DLC1: variants seen among roughly 807,000 people sequenced by gnomAD.
The protein encoded by DLC1 is DLC1 Rho GTPase activating protein, also known as rho GTPase-activating protein 7.
DLC1 carries 54 observed loss-of-function variants against 140.3 expected under a neutral mutation model. The observed-to-expected ratio is 0.38, with a 90% CI of 0.31 to 0.48. DLC1 has a LOEUF of 0.48. Ranked by LOEUF, DLC1 falls within the 20% of genes least tolerant of loss-of-function variation. The pLI, the probability that DLC1 is intolerant of heterozygous loss-of-function variation, is 0.96. For synonymous variants in DLC1, 986 were observed against 728.1 expected, an observed-to-expected ratio of 1.35 and a Z score of -5.70; for missense variants, 2,536 against 1,907.0, an observed-to-expected ratio of 1.33 and a Z score of -6.14.
intron 1 of DLC1, among the ~76,000 whole-genome samples, chr8:13,508,009 T>C (rs1391820819): frequency 6.6e-6 from 1 of 152,226 alleles, no homozygotes; most frequent in African/African-American, 2.4e-5. Context: ...TAGCCCTCAG[T>C]GATTCAGGCA....
At chr8:13,261,849 G>C (rs984326604) in intron 5 of DLC1, among the ~76,000 whole-genome samples, 2 of 152,168 alleles carry the variant, frequency 1.3e-5, no homozygotes, top group African/African-American at 4.8e-5. Context: ...AAACTTTCAG[G>C]ACATGTTTCA....
Position 13,396,940 on chromosome 8 carries a change from G to GC in DLC1, c.1174-3248dup, listed in dbSNP as rs918975400. On this transcript the variant is annotated intron_variant, in intron 3 of 17. Coordinates refer to ENST00000276297, the MANE Select transcript of DLC1 (RefSeq NM_182643.3). Reference sequence around the variant, plus strand: ...GCCACTCATAATTTCCCTGTTACCCGCCCCCCCCAACCCAACTTGCTTTGT... The same window carrying GC: ...GCCACTCATAATTTCCCTGTTACCCGCCCCCCCCCAACCCAACTTGCTTTGT... 1.1e-3 allele frequency among the ~76,000 whole-genome samples: 154 copies of GC among 134,612 alleles called. 1 individual carries two copies. The highest frequency in any genetic ancestry group is 9.7e-3 in the East Asian group (43 of 4,436). 88.3% of individuals were successfully genotyped at this position (134,612 alleles called of 152,430 possible).
chr8:13,303,801 CA>C (rs966281108), intron 5 of DLC1, among the ~76,000 whole-genome samples: 8 of 150,038 alleles, frequency 5.3e-5, no homozygotes, highest in African/African-American at 1.7e-4. Flanking sequence ...GACTCCATCT[CA>C]AAAAAAAATA....
chr8:13,268,749 G>T (rs560888724), intron 5 of DLC1, among the ~76,000 whole-genome samples: 1 of 151,736 alleles, frequency 6.6e-6, no homozygotes, highest in South Asian at 2.1e-4. Context: ...CTTTTTGTGT[G>T]TTTATAGGAT....
intron 5 of DLC1, among the ~76,000 whole-genome samples, chr8:13,120,356 A>AAAATATATATATATATATATAT: frequency 4.9e-5 from 3 of 61,128 alleles, no homozygotes; most frequent in East Asian, 7.2e-4. Flanking sequence ...AAAAAAAAAA[A>AAAATATATATATATATATATAT]ATATATATAT....
At chr8:13,401,717 T>C in intron 2 of DLC1, 98 bp from the exon 3 acceptor site, 2 of 1,435,266 alleles carry the variant, frequency 1.4e-6, no homozygotes, top group Non-Finnish European at 1.9e-6. Flanking sequence ...GTACACTGGA[T>C]AATAGGCAGT....
intron 1 of DLC1, among the ~76,000 whole-genome samples, chr8:13,528,762 C>T (rs1422232108): frequency 1.3e-5 from 2 of 151,978 alleles, no homozygotes; most frequent in African/African-American, 4.8e-5. Flanking sequence ...TCAAAAACAC[C>T]ACATTTGACT....
chr8:13,090,809 C>CTTTT (rs34506663), intron 14 of DLC1, among the ~76,000 whole-genome samples: 2 of 140,662 alleles, frequency 1.4e-5, no homozygotes, highest in African/African-American at 2.6e-5. Context: ...TTCTTTCTTT[C>CTTTT]TTTTTTTTTT....
rs1158571417 is a variant in DLC1, at chr8:13,490,337, A to T, written c.1023+8712T>A. Among the ~76,000 whole-genome samples the T allele has an allele frequency of 2.6e-5, 4 of 152,230 alleles. No homozygotes were observed. The East Asian group carries it at 7.7e-4, about 29-fold the overall frequency. On this transcript the variant is annotated intron_variant, in intron 2 of 17. Transcript: ENST00000276297. ...ACTAAGAAAAAAGTTTATTTCTCCC[A>T]GTTACTTATATTTCCTTTGAAATTG...
intron 2 of DLC1, among the ~76,000 whole-genome samples, chr8:13,465,223 T>C (rs1799876699): frequency 6.6e-6 from 1 of 152,224 alleles, no homozygotes; most frequent in Admixed American, 6.5e-5. Flanking sequence ...TGTCCACCTT[T>C]CCTGGAGAAC....
intron 1 of DLC1, among the ~76,000 whole-genome samples, chr8:13,525,347 G>T (rs1563420424): frequency 6.6e-6 from 1 of 152,084 alleles, no homozygotes; most frequent in South Asian, 2.1e-4. Context: ...TAATTTCCTT[G>T]TGTAAATACC....
intron 2 of DLC1, chr8:13,498,792 C>G (rs950853681): frequency 2.8e-6 from 1 of 362,376 alleles, no homozygotes; most frequent in African/African-American, 2.1e-5. Context: ...GGATACCAAT[C>G]CTGTTTTCAA....
At chr8:13,378,017 T>C (rs981016620) in intron 4 of DLC1, among the ~76,000 whole-genome samples, 2 of 151,096 alleles carry the variant, frequency 1.3e-5, no homozygotes, top group African/African-American at 4.8e-5. Context: ...CTCTTTTAAG[T>C]GTTAATGATG....
intron 1 of DLC1, among the ~76,000 whole-genome samples, chr8:13,544,218 A>G (rs1427044426): frequency 6.6e-6 from 1 of 151,462 alleles, no homozygotes; most frequent in African/African-American, 2.4e-5. Flanking sequence ...ACACACACAC[A>G]CACACACAAA....
intron 5 of DLC1, among the ~76,000 whole-genome samples, chr8:13,142,862 C>T (rs1487950648): frequency 6.6e-6 from 1 of 152,100 alleles, no homozygotes; most frequent in Non-Finnish European, 1.5e-5. Flanking sequence ...CCAGCCTGAC[C>T]AACATGGAGA....
At chr8:13,374,202 G>A (rs980973265) in intron 4 of DLC1, among the ~76,000 whole-genome samples, 1 of 152,174 alleles carries the variant, frequency 6.6e-6, no homozygotes, top group Non-Finnish European at 1.5e-5. Context: ...TGTGTAGTTT[G>A]CTATGGATTC....
At chr8:13,145,735 G>A (rs780520271) in intron 5 of DLC1, among the ~76,000 whole-genome samples, 3 of 152,102 alleles carry the variant, frequency 2.0e-5, no homozygotes, top group Non-Finnish European at 4.4e-5. Context: ...ATAAATCTTT[G>A]AAACAATGTT....
chr8:13,579,358 T>TAAAATAC (rs1804979286), intron 1 of DLC1, among the ~76,000 whole-genome samples: 5 of 41,652 alleles, frequency 1.2e-4, no homozygotes, highest in African/African-American at 1.4e-4. Flanking sequence ...TATATATATA[T>TAAAATAC]ATATTTTTAT....
intron 5 of DLC1, among the ~76,000 whole-genome samples, chr8:13,233,789 C>T (rs1417699918): frequency 6.6e-6 from 1 of 152,160 alleles, no homozygotes. Context: ...TCTTTTTCAT[C>T]AGCTGTTTGG....
Sources: gnomAD v4.1 joint callset for allele counts (sites outside exome capture counted in the v4.1 genomes callset) on GRCh38, gnomAD v4.1.1 for gene constraint, MANE v1.5 for transcripts, NCBI Gene and HGNC (gene_info 2026-07-23, HGNC 2026-07-21) for gene names.